The following RRP15 variants were observed in gnomAD, a reference collection of about 807,000 sequenced individuals.
RRP15 encodes ribosomal RNA processing 15 homolog, also known as RRP15-like protein.
RRP15 carries 18 observed loss-of-function variants against 27.1 expected under a neutral mutation model. The ratio of observed to expected loss-of-function variants is 0.66; its 90% confidence interval spans 0.46 to 0.98. The LOEUF (loss-of-function observed/expected upper bound fraction) is 0.98. Among genes scored for constraint, RRP15 ranks in the 50% least tolerant of loss-of-function variants. The pLI is 0.00. For missense variants in RRP15, 359 were observed against 337.8 expected (o/e 1.06, Z -0.49); for synonymous variants, 107 against 109.4 (o/e 0.98, Z 0.14).
chr1:218,315,872 GCTCT>G lies in RRP15; in HGVS notation c.705+8243_705+8246del, dbSNP rs1224086876. Among the ~76,000 whole-genome samples the G allele has an allele frequency of 3.3e-5, 5 of 152,136 alleles. No individual in the cohort carries two copies. The East Asian group carries it at 9.7e-4, about 29-fold the overall frequency. ...CAACAGTGTTTTACTCTCACGTAAAGCTCTCTAACAGGAATGTGTGGAATCCTAA... is the reference window on the plus strand; with the variant it reads ...CAACAGTGTTTTACTCTCACGTAAAGCTAACAGGAATGTGTGGAATCCTAA... On this transcript the variant is annotated intron_variant, in intron 4 of 4. Coordinates refer to ENST00000366932, the MANE Select transcript of RRP15 (RefSeq NM_016052.4).
intron 4 of RRP15, among the ~76,000 whole-genome samples, chr1:218,317,270 T>C (rs1656103826): frequency 6.6e-6 from 1 of 152,238 alleles, no homozygotes; most frequent in Non-Finnish European, 1.5e-5. Context: ...GTATGCTTTG[T>C]GCCAGATGCT....
chr1:218,330,170 T>C (rs999225323), intron 4 of RRP15, among the ~76,000 whole-genome samples: 2 of 152,084 alleles, frequency 1.3e-5, no homozygotes, highest in African/African-American at 2.4e-5. Flanking sequence ...CAATAAATAT[T>C]TGTGGAAGGA....
chr1:218,303,790 C>G (rs891868219), intron 2 of RRP15, among the ~76,000 whole-genome samples: 1 of 151,878 alleles, frequency 6.6e-6, no homozygotes, highest in Non-Finnish European at 1.5e-5. Flanking sequence ...GCTACAAATG[C>G]TCTTTGTGTG....
intron 1 of RRP15, among the ~76,000 whole-genome samples, chr1:218,290,796 G>C (rs532369922): frequency 6.6e-6 from 1 of 152,296 alleles, no homozygotes; most frequent in Non-Finnish European, 1.5e-5. Flanking sequence ...TGAAGACAAA[G>C]AAGAGCTCCA....
chr1:218,311,676 G>C (rs575391989), intron 4 of RRP15, among the ~76,000 whole-genome samples: 2 of 152,216 alleles, frequency 1.3e-5, no homozygotes, highest in African/African-American at 4.8e-5. Context: ...TCTCTCCTAT[G>C]CAGTATCCTC....
intron 1 of RRP15, among the ~76,000 whole-genome samples, chr1:218,288,727 A>G (rs891265307): frequency 6.6e-6 from 1 of 152,216 alleles, no homozygotes; most frequent in East Asian, 1.9e-4. Context: ...ATCTAAGGAA[A>G]GAAAGGATTG....
intron 1 of RRP15, among the ~76,000 whole-genome samples, chr1:218,299,416 G>C (rs12385718): frequency 0.022 from 3,420 of 152,132 alleles, 124 homozygotes; most frequent in African/African-American, 0.077. Context: ...TGGTAGTCAA[G>C]CGGGGTAAGA....
chr1:218,310,768 A>G (rs1028538378), intron 4 of RRP15, among the ~76,000 whole-genome samples: 4 of 149,062 alleles, frequency 2.7e-5, no homozygotes, highest in African/African-American at 9.9e-5. Flanking sequence ...TTTTTTTTTG[A>G]GACAAAGTCT....
At chr1:218,329,960 A>C (rs954079030) in intron 4 of RRP15, among the ~76,000 whole-genome samples, 1 of 152,028 alleles carries the variant, frequency 6.6e-6, no homozygotes, top group Admixed American at 6.6e-5. Flanking sequence ...AACTGTTTTT[A>C]TGTAGTTAAT....
At chr1:218,312,404 G>C (rs1470161964) in intron 4 of RRP15, among the ~76,000 whole-genome samples, 1 of 151,086 alleles carries the variant, frequency 6.6e-6, no homozygotes, top group Non-Finnish European at 1.5e-5. Context: ...GTGAATAATT[G>C]GTAGTCACTA....
chr1:218,302,562 A>G lies in RRP15; in HGVS notation c.405+3A>G, dbSNP rs763024627. 3.1e-6 allele frequency: 5 copies of G among 1,610,284 alleles called. 1 individual carries two copies. Among genetic ancestry groups the G allele is most frequent in the South Asian group, 2.2e-5 (2 of 90,482 alleles). The stretch of plus-strand genomic sequence containing the variant: ...AAAGACTAGAGAAAATAAAACAGGT[A>G]TGTTCCACCAGTTCTCTTGTAGATT... On this transcript the variant is annotated splice_donor_region_variant and intron_variant, in intron 2 of 4. Coordinates refer to ENST00000366932, the MANE Select transcript of RRP15 (RefSeq NM_016052.4).
intron 1 of RRP15, 112 bp from the exon 2 acceptor site, chr1:218,302,182 C>T: frequency 1.4e-6 from 1 of 739,232 alleles, no homozygotes; most frequent in South Asian, 1.8e-5. Flanking sequence ...CAGAAAAGTA[C>T]CCCCCTTGCA....
intron 4 of RRP15, among the ~76,000 whole-genome samples, chr1:218,325,208 G>A (rs1656254341): frequency 6.6e-6 from 1 of 152,180 alleles, no homozygotes; most frequent in Non-Finnish European, 1.5e-5. Flanking sequence ...GCCGTCCCAC[G>A]GAGTCACTTG....
rs1656438181 is a variant in RRP15, at chr1:218,335,756, T to A, written c.*4665T>A. 6.6e-6 allele frequency: 1 copy of A among 152,186 alleles called. No individual in the cohort carries two copies. Among genetic ancestry groups the A allele is most frequent in the Non-Finnish European group, 1.5e-5 (1 of 68,028 alleles). The allele number at this position is 152,186 out of a possible 1,614,324, so 9.4% of individuals were successfully genotyped here. On this transcript the variant is annotated 3_prime_UTR_variant, in exon 5 of 5. Coordinates refer to ENST00000366932, the MANE Select transcript of RRP15 (RefSeq NM_016052.4). ...TCTGTCTTAAGCTTTTTCCATAAAC[T>A]TTTATTGATATAATTTAGGCATATA...
In RRP15 at chr1:218,333,289, G is replaced by C. The variant is rs1224689029; in HGVS notation, c.*2198G>C. ...ATATCTTCTATGTATTCGTATTTTT[G>C]CATCTTGGGTATTAAGCAAAATACC... On this transcript the variant is annotated 3_prime_UTR_variant, in exon 5 of 5. Coordinates refer to ENST00000366932, the MANE Select transcript of RRP15 (RefSeq NM_016052.4). 5 of 151,868 alleles carry C rather than the reference G, an allele frequency of 3.3e-5. No homozygotes were observed. 9.4% of individuals were successfully genotyped at this position (151,868 alleles called of 1,614,324 possible).
chr1:218,325,188 C>T (rs1656252859), intron 4 of RRP15, among the ~76,000 whole-genome samples: 1 of 152,224 alleles, frequency 6.6e-6, no homozygotes, highest in South Asian at 2.1e-4. Flanking sequence ...GTGATGACCG[C>T]TTTCAGCATG....
intron 4 of RRP15, among the ~76,000 whole-genome samples, chr1:218,308,870 A>T (rs1049035490): frequency 6.6e-6 from 1 of 152,200 alleles, no homozygotes; most frequent in African/African-American, 2.4e-5. Flanking sequence ...CGCTAGTAAC[A>T]TTTTACTGTA....
intron 4 of RRP15, among the ~76,000 whole-genome samples, chr1:218,309,695 A>C (rs1043367931): frequency 7.9e-5 from 12 of 151,484 alleles, no homozygotes; most frequent in African/African-American, 9.7e-5. Context: ...AAAAAAAAAA[A>C]AAAAAAAAAA....
intron 4 of RRP15, among the ~76,000 whole-genome samples, chr1:218,311,972 C>T (rs1249037785): frequency 6.6e-6 from 1 of 152,146 alleles, no homozygotes; most frequent in Admixed American, 6.6e-5. Flanking sequence ...TCGGAGCAGG[C>T]AGTGTGACCA....
Sources: allele counts gnomAD v4.1 joint callset (sites outside exome capture counted in the v4.1 genomes callset), GRCh38; gene constraint gnomAD v4.1.1; transcripts MANE v1.5; gene names NCBI Gene and HGNC (gene_info 2026-07-23, HGNC 2026-07-21).